Variants in CBR4 observed in about 807,000 individuals in gnomAD.
CBR4 encodes 3-oxoacyl-[acyl-carrier-protein] reductase.
In CBR4, 22 loss-of-function variants were observed where a neutral mutation model predicts 21.0. The ratio of observed to expected loss-of-function variants is 1.05; its 90% CI spans 0.75 to 1.50. The LOEUF (loss-of-function observed/expected upper bound fraction) is 1.50. Ranked by LOEUF, CBR4 falls within the 40% of genes most tolerant of loss-of-function variation. CBR4 has a pLI of 0.00. For synonymous variants in CBR4, 100 were observed against 104.4 expected (o/e 0.96, Z 0.26); for missense variants, 302 against 286.3 (o/e 1.05, Z -0.40).
At chr4:169,009,816 G>A (rs1034848365) in intron 1 of CBR4, 132 bp downstream of exon 1, 2 of 801,576 alleles carry the variant, frequency 2.5e-6, no homozygotes, top group Admixed American at 3.1e-5. Flanking sequence ...TGGAACGGGA[G>A]AGCGCCTGCA....
intron 2 of CBR4, among the ~76,000 whole-genome samples, chr4:168,934,282 C>CAAAAAAAAAAAAAA (rs60538970): frequency 6.0e-4 from 11 of 18,198 alleles, no homozygotes; most frequent in Admixed American, 1.7e-3. Flanking sequence ...GCAAAAAAAA[C>CAAAAAAAAAAAAAA]AAAAAAAAAA....
At chr4:168,911,589 T>C (rs965296822) in intron 2 of CBR4, among the ~76,000 whole-genome samples, 1 of 152,222 alleles carries the variant, frequency 6.6e-6, no homozygotes, top group South Asian at 2.1e-4. Context: ...GGATAGTTCA[T>C]GATGGAGGTC....
At chr4:168,951,069 C>A (rs1272778763) in intron 2 of CBR4, among the ~76,000 whole-genome samples, 1 of 151,418 alleles carries the variant, frequency 6.6e-6, no homozygotes, top group Non-Finnish European at 1.5e-5. Context: ...TTTTTTTCTT[C>A]TTTTTTTTGA....
At chr4:168,913,168 G>C (rs1452924043) in intron 2 of CBR4, among the ~76,000 whole-genome samples, 1 of 141,660 alleles carries the variant, frequency 7.1e-6, no homozygotes, top group African/African-American at 2.6e-5. Context: ...ACAGAGTCTT[G>C]CTCTGTCACC....
chr4:168,925,679 A>C (rs559773087), intron 2 of CBR4, among the ~76,000 whole-genome samples: 1 of 152,142 alleles, frequency 6.6e-6, no homozygotes, highest in Admixed American at 6.5e-5. Flanking sequence ...TTATCCATTG[A>C]CATAAAAAAA....
chr4:168,938,374 A>C (rs956070792), intron 2 of CBR4, among the ~76,000 whole-genome samples: 5 of 152,220 alleles, frequency 3.3e-5, no homozygotes, highest in Non-Finnish European at 7.3e-5. Flanking sequence ...AAGATCTAAA[A>C]TCAACACTCT....
intron 2 of CBR4, among the ~76,000 whole-genome samples, chr4:168,975,627 T>C (rs546603286): frequency 6.6e-6 from 1 of 152,220 alleles, no homozygotes; most frequent in South Asian, 2.1e-4. Context: ...GTTTCTTGGG[T>C]AATGGGCAGG....
At position 168,989,804 on chromosome 4, in the gene CBR4, T is replaced by A; in HGVS notation, c.*346A>T. 3 of 1,002,198 alleles carry A rather than the reference T, an allele frequency of 3.0e-6. No individual in the cohort carries two copies. Among genetic ancestry groups the A allele is most frequent in the African/African-American group, 1.7e-5 (1 of 58,120 alleles). The allele number at this position is 1,002,198 out of a possible 1,614,324, so 62.1% of individuals were successfully genotyped here. On this transcript the variant is annotated 3_prime_UTR_variant, in exon 5 of 5. Coordinates refer to ENST00000306193, the MANE Select transcript of CBR4 (RefSeq NM_032783.5). Reference sequence around the variant, plus strand: ...GGTAACCAAAGGTAAGTGATACACATCCTTTAGAAAACACAATTTGTCTGG... The same window carrying A: ...GGTAACCAAAGGTAAGTGATACACAACCTTTAGAAAACACAATTTGTCTGG...
Position 168,937,689 on chromosome 4 carries a change from A to G in CBR4, n.170-42924T>C, listed in dbSNP as rs536887075. ...TAGTCTCTGATAAAACAGACTTTAA[A>G]CCAACAAAGATCAAAAGAGACAAAG... On this transcript the variant is annotated intron_variant and non_coding_transcript_variant, in intron 2 of 3. Coordinates refer to the CBR4 transcript ENST00000509108. Among the ~76,000 whole-genome samples, 154 of 152,020 alleles carry G rather than the reference A, an allele frequency of 1.0e-3. 1 individual carries two copies. Among genetic ancestry groups the G allele is most frequent in the African/African-American group, 3.7e-3 (152 of 41,532 alleles).
intron 3 of CBR4, among the ~76,000 whole-genome samples, chr4:169,003,038 G>T (rs1344137201): frequency 6.6e-6 from 1 of 152,162 alleles, no homozygotes; most frequent in Non-Finnish European, 1.5e-5. Flanking sequence ...TGTACAAGGA[G>T]ATTAATGTTG....
chr4:168,977,108 G>A (rs753209839), intron 2 of CBR4, among the ~76,000 whole-genome samples: 1 of 152,134 alleles, frequency 6.6e-6, no homozygotes, highest in Non-Finnish European at 1.5e-5. Context: ...TTCCTGTGGT[G>A]GTTCTTGGAG....
chr4:169,007,701 T>A lies in CBR4; in HGVS notation c.198A>T (p.Thr66=). 1 of 1,592,346 alleles carries A rather than the reference T, an allele frequency of 6.3e-7. No homozygotes were observed. The highest frequency in any genetic ancestry group is 8.6e-7 in the Non-Finnish European group (1 of 1,167,878). ...DVAKEHDVQN[T]FEELEKHLGR... ...CTAAATGTTTCTCCAGCTCTTCAAA[T>A]GTATTTTGAACATCATGTTCTTTAG... The change falls in exon 2 of 5, where the codon ACA becomes ACT. Residue 66 remains threonine (T), a synonymous_variant. Transcript: ENST00000306193.
chr4:168,934,282 CAAAAAAA>C (rs60538970), intron 2 of CBR4, among the ~76,000 whole-genome samples: 1 of 18,178 alleles, frequency 5.5e-5, no homozygotes, highest in African/African-American at 1.9e-4. Flanking sequence ...GCAAAAAAAA[CAAAAAAA>C]AAAAAAAAAA....
At chr4:168,992,732 C>A (rs1764985161) in intron 4 of CBR4, among the ~76,000 whole-genome samples, 1 of 151,906 alleles carries the variant, frequency 6.6e-6, no homozygotes. Context: ...TTTTTATTTT[C>A]TTTATATTTT....
rs190056853 is a variant in CBR4 at position 168,964,402 on chromosome 4, G to A, written n.169+37669C>T. 2.1e-3 allele frequency among the ~76,000 whole-genome samples: 319 copies of A among 152,178 alleles called. 1 individual carries two copies. Among genetic ancestry groups the A allele is most frequent in the Non-Finnish European group, 4.1e-3 (277 of 67,996 alleles). The stretch of plus-strand genomic sequence containing the variant: ...GGCAAGGAAAATAAAAAATAAAGAC[G>A]ACCTTCAATCGAAACACACAATCCA... On this transcript the variant is annotated intron_variant and non_coding_transcript_variant, in intron 2 of 3. Coordinates refer to the CBR4 transcript ENST00000509108.
rs116490465 is a variant in CBR4, at chr4:168,998,814, T to A, written c.535+3257A>T. On this transcript the variant is annotated intron_variant, in intron 4 of 4. Coordinates refer to ENST00000306193, the MANE Select transcript of CBR4 (RefSeq NM_032783.5). ...ATACAGAAAGCTGTGAATTGCATGA[T>A]ACAATTTGTGTTTTCTTACACTCAT... Among the ~76,000 whole-genome samples the A allele has an allele frequency of 5.2e-3, 788 of 152,286 alleles. 4 individuals carry two copies. Among genetic ancestry groups the A allele is most frequent in the African/African-American group, 0.018 (730 of 41,584 alleles).
intron 2 of CBR4, among the ~76,000 whole-genome samples, chr4:168,902,246 A>G (rs1348048270): frequency 6.6e-6 from 1 of 152,236 alleles, no homozygotes; most frequent in African/African-American, 2.4e-5. Flanking sequence ...AAGGGTCTAA[A>G]GTATATTTGT....
intron 2 of CBR4, among the ~76,000 whole-genome samples, chr4:168,929,526 A>G (rs1762901740): frequency 6.6e-6 from 1 of 152,212 alleles, no homozygotes; most frequent in Admixed American, 6.5e-5. Context: ...GCATAACATG[A>G]CAATCCCCTT....
Position 169,009,432 on chromosome 4 carries a change from T to C in CBR4, c.142+516A>G, listed in dbSNP as rs546356569. ...TGGCTGGTACTCAAAAGGGTTTCTCTATCAAACACTGCTTTGTGCATTCGC... is the reference window on the plus strand; with the variant it reads ...TGGCTGGTACTCAAAAGGGTTTCTCCATCAAACACTGCTTTGTGCATTCGC... On this transcript the variant is annotated intron_variant, in intron 1 of 4. Transcript: ENST00000306193. Among the ~76,000 whole-genome samples the C allele has an allele frequency of 3.3e-5, 5 of 152,372 alleles. No individual in the cohort carries two copies. In the South Asian group the frequency reaches 1.0e-3, roughly 32 times the overall value.
Sources: allele counts gnomAD v4.1 joint callset (sites outside exome capture counted in the v4.1 genomes callset), GRCh38; gene constraint gnomAD v4.1.1; transcripts MANE v1.5; gene names NCBI Gene and HGNC (gene_info 2026-07-23, HGNC 2026-07-21).